SLAIN1: variants seen among roughly 807,000 people sequenced by gnomAD.
SLAIN1 encodes SLAIN motif-containing protein 1.
SLAIN1 carries 17 observed loss-of-function variants against 55.4 expected under a neutral mutation model. That is an observed-to-expected ratio of 0.31 (90% CI 0.21 to 0.46). The LOEUF (loss-of-function observed/expected upper bound fraction) is 0.46, where lower values mean the gene tolerates loss of function less well. SLAIN1 is among the 20% of genes least tolerant of loss of function. The probability of loss-of-function intolerance (pLI) is 1.00; values close to 1 mark genes in which losing one functional copy is unlikely to be tolerated. For missense variants in SLAIN1, 682 were observed against 785.1 expected, an observed-to-expected ratio of 0.87 and a Z score of 1.57; for synonymous variants, 348 against 337.4, an observed-to-expected ratio of 1.03 and a Z score of -0.35.
At chr13:77,709,869 C>T (rs916265475) in intron 1 of SLAIN1, among the ~76,000 whole-genome samples, 9 of 152,102 alleles carry the variant, frequency 5.9e-5, no homozygotes, top group Non-Finnish European at 1.3e-4. Context: ...CTCCCAGGTT[C>T]AAGTGATTCC....
chr13:77,698,592 CACCGGGGAGCGGG>C lies in SLAIN1; in HGVS notation c.626+54_626+66del. On this transcript the variant is annotated intron_variant, in intron 1 of 6. Coordinates refer to ENST00000418532, the MANE Select transcript of SLAIN1 (RefSeq NM_001242868.2). The surrounding 1 kb of genome is among the most constrained non-coding windows in gnomAD (Gnocchi z 4.1). ...AGACCCTGGCCTCGGGGGCTTCGGG[CACCGGGGAGCGGG>C]GGCGGGGGGCGGACGGGGGTCCCCT... 2 of 1,346,986 alleles carry C rather than the reference CACCGGGGAGCGGG, an allele frequency of 1.5e-6. No homozygotes were observed. Among genetic ancestry groups the C allele is most frequent in the Non-Finnish European group, 1.9e-6 (2 of 1,054,006 alleles). The allele number at this position is 1,346,986 out of a possible 1,614,324, so 83.4% of individuals were successfully genotyped here.
rs935354765 is a variant in SLAIN1 at position 77,698,397 on chromosome 13, G to A, written c.484G>A (p.Gly162Ser). The stretch of plus-strand genomic sequence containing the variant: ...AGCAGGCTTCTTCGGCGCGGGCGGT[G>A]GCGGGCCGGAGCCGGGGGGCGCGGG... ...PAAGFFGAGG[G>S]GPEPGGAGTP... Residue 162 changes from glycine to serine, a missense_variant, in exon 1 of 7, where the codon GGC becomes AGC. By Grantham distance (56) the Gly-to-Ser change is moderately conservative. Coordinates refer to ENST00000418532, the MANE Select transcript of SLAIN1 (RefSeq NM_001242868.2). This position sits in a 1 kb window ranked among gnomAD's most constrained non-coding sequence, Gnocchi z 4.1. 1.5e-5 allele frequency: 21 copies of A among 1,412,854 alleles called. No individual in the cohort carries two copies. The Admixed American group carries it at 4.9e-4, about 33-fold the overall frequency. The allele number at this position is 1,412,854 out of a possible 1,614,324, so 87.5% of individuals were successfully genotyped here. A position where few individuals can be genotyped will look rare whatever the true frequency, so the allele number is the denominator to read the frequency against.
chr13:77,756,206 A>G lies in SLAIN1; in HGVS notation c.1414+2848A>G, dbSNP rs1176889822. Among the ~76,000 whole-genome samples, 3 of 152,168 alleles carry G rather than the reference A, an allele frequency of 2.0e-5. No individual in the cohort carries two copies. In the East Asian group the frequency reaches 5.8e-4, roughly 29 times the overall value. On this transcript the variant is annotated intron_variant, in intron 5 of 6. Transcript: ENST00000418532. ...AAGGGTGGTTATATATGTTACATGT[A>G]GGAGAGATAGTAGGACTCTATTCCT...
chr13:77,720,876 A>ATGAAACAGG (rs1726209664), intron 2 of SLAIN1, among the ~76,000 whole-genome samples: 1 of 152,208 alleles, frequency 6.6e-6, no homozygotes, highest in African/African-American at 2.4e-5. Context: ...TTTAACTGAA[A>ATGAAACAGG]TGAAACAGGT....
At chr13:77,703,515 C>T (rs934831763) in intron 1 of SLAIN1, among the ~76,000 whole-genome samples, 1 of 152,002 alleles carries the variant, frequency 6.6e-6, no homozygotes, top group African/African-American at 2.4e-5. Flanking sequence ...AAGTGTATGA[C>T]GTGTGTTTGA....
chr13:77,737,949 T>A (rs937135197), intron 2 of SLAIN1, among the ~76,000 whole-genome samples: 3 of 152,090 alleles, frequency 2.0e-5, no homozygotes, highest in Non-Finnish European at 4.4e-5. Flanking sequence ...TAGTGCCTAT[T>A]CAAATGAATA....
At chr13:77,737,310 C>T (rs1039264417) in intron 2 of SLAIN1, among the ~76,000 whole-genome samples, 4 of 151,990 alleles carry the variant, frequency 2.6e-5, no homozygotes, top group Admixed American at 6.6e-5. Context: ...GATGTCTCAC[C>T]AGGTCTATTT....
intron 1 of SLAIN1, among the ~76,000 whole-genome samples, chr13:77,709,351 A>G (rs1387245506): frequency 6.6e-6 from 1 of 152,222 alleles, no homozygotes; most frequent in African/African-American, 2.4e-5. Context: ...GATATTATCC[A>G]GGAGACCTTT....
intron 6 of SLAIN1, 105 bp downstream of exon 6, chr13:77,761,215 T>A: frequency 9.0e-7 from 1 of 1,107,060 alleles, no homozygotes; most frequent in Non-Finnish European, 1.3e-6. Context: ...AGTAAGACAC[T>A]ACCCTTTATG....
rs925733840 is a variant in SLAIN1, at chr13:77,712,101, C to A, written c.627-7431C>A. ...ATAAGAGCTATTTATGACAAACCCA[C>A]AGCCAGTATCATACTGAATTGGCAA... On this transcript the variant is annotated intron_variant, in intron 1 of 6. Coordinates refer to ENST00000418532, the MANE Select transcript of SLAIN1 (RefSeq NM_001242868.2). Among the ~76,000 whole-genome samples, 9 of 152,328 alleles carry A rather than the reference C, an allele frequency of 5.9e-5. No individual in the cohort carries two copies. The South Asian group carries it at 6.2e-4, about 11-fold the overall frequency.
intron 4 of SLAIN1, among the ~76,000 whole-genome samples, chr13:77,751,790 AC>A (rs1217105737): frequency 6.6e-6 from 1 of 152,304 alleles, no homozygotes; most frequent in African/African-American, 2.4e-5. Flanking sequence ...CAAGTGGGTG[AC>A]GCATGCTGTG....
Position 77,698,499 on chromosome 13 carries a change from G to A in SLAIN1, c.586G>A (p.Glu196Lys), listed in dbSNP as rs1288224751. Reference protein sequence around the residue: ...LLDEVELLDLESVAAWRDEDD... With the variant: ...LLDEVELLDLKSVAAWRDEDD... ...GGACGAGGTGGAATTGCTGGATCTG[G>A]AGAGCGTAGCCGCCTGGCGGGACGA... The change falls in exon 1 of 7, where the codon GAG becomes AAG. Residue 196 changes from glutamate to lysine, a missense_variant. By Grantham distance (56) the Glu-to-Lys change is moderately conservative. Coordinates refer to ENST00000418532, the MANE Select transcript of SLAIN1 (RefSeq NM_001242868.2). This position sits in a 1 kb window ranked among gnomAD's most constrained non-coding sequence, Gnocchi z 4.1. 10 of 1,460,902 alleles carry A rather than the reference G, an allele frequency of 6.8e-6. No individual in the cohort carries two copies. The East Asian group carries it at 3.0e-4, about 43-fold the overall frequency. The allele number at this position is 1,460,902 out of a possible 1,614,324, so 90.5% of individuals were successfully genotyped here.
At chr13:77,711,939 T>A (rs2091155509) in intron 1 of SLAIN1, among the ~76,000 whole-genome samples, 1 of 152,098 alleles carries the variant, frequency 6.6e-6, no homozygotes, top group Admixed American at 6.5e-5. Context: ...ATCATAAACA[T>A]AATCATCACA....
At chr13:77,755,138 A>G (rs951113659) in intron 5 of SLAIN1, among the ~76,000 whole-genome samples, 1 of 152,034 alleles carries the variant, frequency 6.6e-6, no homozygotes, top group Admixed American at 6.6e-5. Context: ...AGGCAATATG[A>G]TGAAACCCCG....
chr13:77,708,616 T>C (rs1425206533), intron 1 of SLAIN1, among the ~76,000 whole-genome samples: 1 of 152,032 alleles, frequency 6.6e-6, no homozygotes, highest in Non-Finnish European at 1.5e-5. Context: ...TACCCAGACA[T>C]ACAGAGTCTG....
At chr13:77,702,390 T>G (rs1292585829) in intron 1 of SLAIN1, among the ~76,000 whole-genome samples, 1 of 152,180 alleles carries the variant, frequency 6.6e-6, no homozygotes, top group African/African-American at 2.4e-5. Context: ...AAAATATCCA[T>G]GCATACATGG....
chr13:77,698,536 C>A lies in SLAIN1; in HGVS notation c.623C>A (p.Thr208Asn). The A allele has an allele frequency of 1.4e-6, 2 of 1,431,218 alleles. No homozygotes were observed. The highest frequency in any genetic ancestry group is 1.8e-6 in the Non-Finnish European group (2 of 1,102,616). The allele number at this position is 1,431,218 out of a possible 1,614,324, so 88.7% of individuals were successfully genotyped here. ...VAAWRDEDDYTWLYIGSSKTF... is the reference protein window; with the variant it reads ...VAAWRDEDDYNWLYIGSSKTF... ...GCCTGGCGGGACGAGGACGACTACACCTGGTACTGCCTGGCTCCGCTCCTT... is the reference window on the plus strand; with the variant it reads ...GCCTGGCGGGACGAGGACGACTACAACTGGTACTGCCTGGCTCCGCTCCTT... The change falls in exon 1 of 7, where the codon ACC (threonine) becomes AAC (asparagine). Residue 208 changes from threonine (T) to asparagine (N), a missense_variant. Physicochemically the swap from Thr to Asn is moderately conservative, Grantham distance 65 (BLOSUM62 0). Coordinates refer to ENST00000418532, the MANE Select transcript of SLAIN1 (RefSeq NM_001242868.2). The surrounding 1 kb of genome is among the most constrained non-coding windows in gnomAD (Gnocchi z 4.1).
chr13:77,743,141 G>A (rs1485300505), intron 2 of SLAIN1: 1 of 1,302,308 alleles, frequency 7.7e-7, no homozygotes, highest in Non-Finnish European at 1.0e-6. Flanking sequence ...CTCAAATAAA[G>A]CAATACTAAC....
At chr13:77,737,353 T>C (rs1235009414) in intron 2 of SLAIN1, among the ~76,000 whole-genome samples, 2 of 152,088 alleles carry the variant, frequency 1.3e-5, no homozygotes, top group Non-Finnish European at 2.9e-5. Context: ...CAGACATCAG[T>C]CTCCATGCCC....
Sources: gnomAD v4.1 joint callset for allele counts (sites outside exome capture counted in the v4.1 genomes callset) on GRCh38, gnomAD v4.1.1 for gene constraint, Gnocchi (gnomAD v3.1) non-coding constraint, MANE v1.5 for transcripts, NCBI Gene and HGNC (gene_info 2026-07-23, HGNC 2026-07-21) for gene names.